Variants in CSMD1 observed in about 807,000 individuals in gnomAD.
CSMD1 encodes the protein CUB and sushi domain-containing protein 1.
In CSMD1, 213 loss-of-function variants were observed where a neutral mutation model predicts 417.5. The observed-to-expected ratio is 0.51, with a 90% confidence interval of 0.46 to 0.57. The LOEUF (loss-of-function observed/expected upper bound fraction) is 0.57, where lower values mean the gene tolerates loss of function less well. Ranked by LOEUF, CSMD1 falls within the 20% of genes least tolerant of loss-of-function variation. The pLI is 0.00. For missense variants in CSMD1, 6,923 were observed against 4,529.7 expected, an observed-to-expected ratio of 1.53 and a Z score of -15.17; for synonymous variants, 2,862 against 1,736.8, an observed-to-expected ratio of 1.65 and a Z score of -16.11.
chr8:4,079,136 G>C (rs1157836156), intron 3 of CSMD1, among the ~76,000 whole-genome samples: 1 of 151,466 alleles, frequency 6.6e-6, no homozygotes, highest in South Asian at 2.1e-4. Flanking sequence ...TTCAACTACT[G>C]GATCATATAA....
chr8:3,149,834 T>TA (rs1360914127), intron 40 of CSMD1, among the ~76,000 whole-genome samples: 4 of 152,274 alleles, frequency 2.6e-5, no homozygotes, highest in Non-Finnish European at 4.4e-5. Context: ...TTAACTCATT[T>TA]AAAAAAACCA....
At chr8:4,902,845 A>T (rs1049429953) in intron 1 of CSMD1, among the ~76,000 whole-genome samples, 3 of 151,894 alleles carry the variant, frequency 2.0e-5, no homozygotes, top group Admixed American at 6.6e-5. Flanking sequence ...ACATATTTTT[A>T]TTTTTATCAT....
intron 7 of CSMD1, among the ~76,000 whole-genome samples, chr8:3,655,007 T>C (rs1005110413): frequency 6.6e-6 from 1 of 152,180 alleles, no homozygotes; most frequent in Non-Finnish European, 1.5e-5. Context: ...GAGACAGCAA[T>C]AACGCTCAAA....
chr8:3,057,398 C>A (rs1287259767), intron 49 of CSMD1, among the ~76,000 whole-genome samples: 3 of 151,796 alleles, frequency 2.0e-5, no homozygotes, highest in Non-Finnish European at 4.4e-5. Flanking sequence ...ATTAAAACAC[C>A]TTAGGAAACA....
chr8:3,372,586 C>A (rs1458559858), intron 18 of CSMD1, among the ~76,000 whole-genome samples: 1 of 152,038 alleles, frequency 6.6e-6, no homozygotes, highest in Non-Finnish European at 1.5e-5. Flanking sequence ...GGGATATGGG[C>A]ATTACGATAA....
intron 6 of CSMD1, among the ~76,000 whole-genome samples, chr8:3,733,982 G>T (rs1465955261): frequency 1.3e-5 from 2 of 152,062 alleles, no homozygotes; most frequent in East Asian, 3.9e-4. Flanking sequence ...GATAAGGGGG[G>T]GATGTCTGTA....
At chr8:3,264,887 A>G (rs1801324568) in intron 26 of CSMD1, among the ~76,000 whole-genome samples, 2 of 152,030 alleles carry the variant, frequency 1.3e-5, no homozygotes, top group African/African-American at 4.8e-5. Context: ...GTGTGTGTAT[A>G]CATTTTTCTT....
At chr8:3,511,000 ACC>A (rs1797041455) in intron 10 of CSMD1, among the ~76,000 whole-genome samples, 3 of 151,818 alleles carry the variant, frequency 2.0e-5, no homozygotes, top group South Asian at 4.1e-4. Context: ...TCAATGATAG[ACC>A]AAACAAAGAA....
At chr8:4,325,672 C>T (rs1376384329) in intron 3 of CSMD1, among the ~76,000 whole-genome samples, 1 of 152,088 alleles carries the variant, frequency 6.6e-6, no homozygotes, top group Non-Finnish European at 1.5e-5. Flanking sequence ...ATGCTCATCT[C>T]TAGGGCCAGA....
chr8:3,303,916 CATA>C (rs1039162207), intron 25 of CSMD1, among the ~76,000 whole-genome samples: 11 of 148,726 alleles, frequency 7.4e-5, no homozygotes, highest in African/African-American at 2.5e-4. Flanking sequence ...CCAAGTGCCC[CATA>C]ATAATAACTA....
intron 1 of CSMD1, among the ~76,000 whole-genome samples, chr8:4,881,490 T>C (rs1474737861): frequency 6.6e-6 from 1 of 151,054 alleles, no homozygotes; most frequent in Non-Finnish European, 1.5e-5. Flanking sequence ...AATAAACCCT[T>C]GCCTATAGAA....
At chr8:3,336,770 T>C (rs1424762070) in intron 23 of CSMD1, among the ~76,000 whole-genome samples, 1 of 152,170 alleles carries the variant, frequency 6.6e-6, no homozygotes, top group African/African-American at 2.4e-5. Flanking sequence ...CCCAGCTGCA[T>C]GCATCGCTGG....
intron 5 of CSMD1, among the ~76,000 whole-genome samples, chr8:3,792,631 G>T (rs1397336309): frequency 6.6e-6 from 1 of 152,146 alleles, no homozygotes. Context: ...ATGACAGGCA[G>T]TAAGTTAATC....
At chr8:4,557,833 G>C (rs890980093) in intron 2 of CSMD1, among the ~76,000 whole-genome samples, 4 of 152,146 alleles carry the variant, frequency 2.6e-5, no homozygotes, top group Non-Finnish European at 4.4e-5. Context: ...ACGTTTCATA[G>C]CTCTACATCA....
chr8:3,116,982 C>G (rs940351751), intron 42 of CSMD1, among the ~76,000 whole-genome samples: 1 of 151,884 alleles, frequency 6.6e-6, no homozygotes, highest in East Asian at 1.9e-4. Context: ...ATTTTAAGTG[C>G]TATTTTATAT....
At chr8:3,211,176 C>T (rs1338058075) in intron 30 of CSMD1, among the ~76,000 whole-genome samples, 2 of 152,266 alleles carry the variant, frequency 1.3e-5, no homozygotes, top group African/African-American at 4.8e-5. Flanking sequence ...TCCCGAGTAG[C>T]TGGGACCCCA....
intron 5 of CSMD1, among the ~76,000 whole-genome samples, chr8:3,881,031 T>A (rs1474278923): frequency 6.6e-6 from 1 of 152,020 alleles, no homozygotes; most frequent in Non-Finnish European, 1.5e-5. Flanking sequence ...ACAATATCAA[T>A]AAAGCCTCAA....
intron 7 of CSMD1, among the ~76,000 whole-genome samples, chr8:3,678,493 A>G (rs1799493866): frequency 6.6e-6 from 1 of 152,174 alleles, no homozygotes; most frequent in Non-Finnish European, 1.5e-5. Flanking sequence ...GAGAAAAAGG[A>G]ATAAAAAGAA....
At chr8:4,361,380 C>T (rs1002863427) in intron 3 of CSMD1, among the ~76,000 whole-genome samples, 1 of 129,524 alleles carries the variant, frequency 7.7e-6, no homozygotes, top group East Asian at 2.1e-4. Context: ...TTAATGTAGC[C>T]TCATGAAGGG....
Sources: allele counts gnomAD v4.1 joint callset (sites outside exome capture counted in the v4.1 genomes callset), GRCh38; gene constraint gnomAD v4.1.1; transcripts MANE v1.5; gene names NCBI Gene and HGNC (gene_info 2026-07-23, HGNC 2026-07-21).